The following MYH15 variants were observed in gnomAD, a reference collection of about 807,000 sequenced individuals.
MYH15 encodes the protein myosin heavy chain 15.
In MYH15, 227 loss-of-function variants were observed where a neutral mutation model predicts 240.5. That is an observed-to-expected ratio of 0.94 (90% confidence interval 0.85 to 1.05). The LOEUF (loss-of-function observed/expected upper bound fraction) is 1.05, where lower values mean the gene tolerates loss of function less well. MYH15 is among the 50% of genes least tolerant of loss of function. MYH15 has a pLI of 0.00. For synonymous variants in MYH15, 785 were observed against 796.7 expected (o/e 0.99, Z 0.25); for missense variants, 2,217 against 2,247.5 (o/e 0.99, Z 0.27).
chr3:108,509,197 A>C (rs1379132015), intron 1 of MYH15, among the ~76,000 whole-genome samples: 1 of 152,230 alleles, frequency 6.6e-6, no homozygotes, highest in Non-Finnish European at 1.5e-5. Flanking sequence ...CTCTGCTGCC[A>C]GTGCATTTCT....
chr3:108,479,855 A>G (rs1394374706), intron 11 of MYH15, among the ~76,000 whole-genome samples: 2 of 152,240 alleles, frequency 1.3e-5, no homozygotes, highest in Admixed American at 1.3e-4. Context: ...AGAATGAAGC[A>G]AAATCCAGTT....
intron 27 of MYH15, among the ~76,000 whole-genome samples, chr3:108,426,248 G>C (rs915115931): frequency 2.7e-5 from 4 of 150,688 alleles, no homozygotes; most frequent in Non-Finnish European, 4.4e-5. Flanking sequence ...CCAAACATTT[G>C]ATAAGGAAAT....
At chr3:108,490,012 A>C (rs1312525129) in intron 9 of MYH15, among the ~76,000 whole-genome samples, 3 of 152,202 alleles carry the variant, frequency 2.0e-5, no homozygotes, top group South Asian at 4.1e-4. Context: ...TCTATTAGTA[A>C]ACAGAGTTGC....
chr3:108,448,122 G>T (rs2082943545), intron 21 of MYH15, among the ~76,000 whole-genome samples: 3 of 151,990 alleles, frequency 2.0e-5, no homozygotes, highest in Admixed American at 2.0e-4. Context: ...AAAACTTCTA[G>T]TAAGTATTCA....
At chr3:108,521,805 G>A (rs957939674) in intron 1 of MYH15, among the ~76,000 whole-genome samples, 1 of 152,166 alleles carries the variant, frequency 6.6e-6, no homozygotes, top group African/African-American at 2.4e-5. Context: ...CAGCGCCCTG[G>A]CTGGCTTTTT....
At chr3:108,550,845 G>A in the MYH15 span, 1 of 166,492 alleles carries the variant, frequency 6.0e-6, no homozygotes, top group Non-Finnish European at 1.3e-5. Context: ...AGAATAGAAA[G>A]CAACTAAGAA....
intron 40 of MYH15, among the ~76,000 whole-genome samples, chr3:108,382,303 A>T (rs1468106162): frequency 6.6e-6 from 1 of 152,124 alleles, no homozygotes; most frequent in African/African-American, 2.4e-5. Context: ...AGGCATCAGT[A>T]AAAAATTTCT....
chr3:108,493,431 T>C (rs1351317160), intron 7 of MYH15, among the ~76,000 whole-genome samples: 1 of 152,242 alleles, frequency 6.6e-6, no homozygotes, highest in East Asian at 1.9e-4. Flanking sequence ...GGTTCTGGCT[T>C]GTAGCCCCAA....
rs1439295141 is a variant in MYH15 at position 108,454,814 on chromosome 3, C to T, written c.2263-672G>A. Among the ~76,000 whole-genome samples, 6 of 152,274 alleles carry T rather than the reference C, an allele frequency of 3.9e-5. No individual in the cohort carries two copies. In the South Asian group the frequency reaches 8.3e-4, roughly 21 times the overall value. On this transcript the variant is annotated intron_variant, in intron 20 of 40. Coordinates refer to ENST00000693548, the MANE Select transcript of MYH15 (RefSeq NM_014981.3). Reference sequence around the variant, plus strand: ...TATGGAGGCACTAAGTGTGAGAGTGCCCTGAGAGTGTGTGCCTTTCAACCT... The same window carrying T: ...TATGGAGGCACTAAGTGTGAGAGTGTCCTGAGAGTGTGTGCCTTTCAACCT...
At position 108,493,168 on chromosome 3, in the gene MYH15, T is replaced by A; in HGVS notation, c.721A>T (p.Ile241Phe). Residue 241 changes from isoleucine (I) to phenylalanine (F), a missense_variant, in exon 8 of 41, where the codon ATC becomes TTC. Ile to Phe is a conservative substitution (Grantham distance 21, BLOSUM62 0). Coordinates refer to ENST00000693548, the MANE Select transcript of MYH15 (RefSeq NM_014981.3). Reference sequence around the variant, plus strand: ...CCTCTGGCACCAAAGTGCATCCTGATGAATTTGCCCTAGTGTGGACACAGA... The same window carrying A: ...CCTCTGGCACCAAAGTGCATCCTGAAGAATTTGCCCTAGTGTGGACACAGA... ...NDNSSRFGKF[I>F]RMHFGARGML... 1 of 1,614,106 alleles carries A rather than the reference T, an allele frequency of 6.2e-7. No individual in the cohort carries two copies. Among genetic ancestry groups the A allele is most frequent in the Admixed American group, 1.7e-5 (1 of 60,024 alleles).
intron 1 of MYH15, among the ~76,000 whole-genome samples, chr3:108,516,837 ATTAT>A (rs1410921598): frequency 6.8e-6 from 1 of 147,998 alleles, no homozygotes; most frequent in African/African-American, 2.7e-5. Context: ...CAAATTATTG[ATTAT>A]TTAAAGCATT....
chr3:108,476,626 C>A, intron 11 of MYH15, 111 bp from the exon 12 acceptor site: 1 of 677,520 alleles, frequency 1.5e-6, no homozygotes, highest in Admixed American at 2.4e-5. Context: ...GTGTTTACAT[C>A]AGCGTAGCAA....
intron 7 of MYH15, among the ~76,000 whole-genome samples, chr3:108,493,691 C>G (rs1159026226): frequency 6.6e-6 from 1 of 152,108 alleles, no homozygotes; most frequent in Non-Finnish European, 1.5e-5. Flanking sequence ...TGCAACAGCT[C>G]TGACATAAAA....
upstream of MYH15, among the ~76,000 whole-genome samples, chr3:108,514,085 A>T (rs1436410868): frequency 1.3e-5 from 2 of 152,202 alleles, no homozygotes; most frequent in African/African-American, 4.8e-5. Flanking sequence ...TTTTCCTCTT[A>T]GCCAAGAAAG....
rs150189043 is a variant in MYH15, at chr3:108,472,237, G to A, written c.1234-1390C>T. ...ATCCTACTTCCATAACTCCAATAGC[G>A]CTGCTGTAGTAGCAGGTTTCTGACA... On this transcript the variant is annotated intron_variant, in intron 12 of 40. Transcript: ENST00000693548. Among the ~76,000 whole-genome samples, 26 of 152,290 alleles carry A rather than the reference G, an allele frequency of 1.7e-4. 1 individual carries two copies. In the East Asian group the frequency reaches 2.1e-3, roughly 12 times the overall value.
At chr3:108,443,094 C>A (rs957546129) in intron 22 of MYH15, among the ~76,000 whole-genome samples, 1 of 152,076 alleles carries the variant, frequency 6.6e-6, no homozygotes, top group Non-Finnish European at 1.5e-5. Context: ...AACTGGGAGG[C>A]GAGGTCTCAA....
intron 31 of MYH15, 89 bp downstream of exon 31, chr3:108,410,494 G>T: frequency 1.1e-6 from 1 of 889,382 alleles, no homozygotes; most frequent in Non-Finnish European, 1.7e-6. Context: ...TGTTGGGAAT[G>T]TGAAAATGCT....
intron 38 of MYH15, among the ~76,000 whole-genome samples, chr3:108,387,690 T>C (rs1052160469): frequency 2.0e-5 from 3 of 152,188 alleles, no homozygotes; most frequent in African/African-American, 7.2e-5. Flanking sequence ...CAAAGTAGAA[T>C]AGCAAACTTT....
intron 30 of MYH15, among the ~76,000 whole-genome samples, chr3:108,412,426 C>CT (rs2082601844): frequency 6.6e-6 from 1 of 152,190 alleles, no homozygotes; most frequent in African/African-American, 2.4e-5. Context: ...CCATGGTGAA[C>CT]TGTGAGTCAA....
Sources: gnomAD v4.1 joint callset for allele counts (sites outside exome capture counted in the v4.1 genomes callset) on GRCh38, gnomAD v4.1.1 for gene constraint, MANE v1.5 for transcripts, NCBI Gene and HGNC (gene_info 2026-07-23, HGNC 2026-07-21) for gene names.